The following PCP4 variants were observed in gnomAD, a reference collection of about 807,000 sequenced individuals.
PCP4 encodes Purkinje cell protein 4, also known as calmodulin regulator protein PCP4.
Under a neutral mutation model 10.0 loss-of-function variants are expected in PCP4, and 8 were observed. The ratio of observed to expected loss-of-function variants is 0.80; its 90% confidence interval spans 0.47 to 1.45. The LOEUF is 1.45. PCP4 is among the 40% of genes most tolerant of loss of function. The pLI is 0.00. For missense variants in PCP4, 54 were observed against 74.4 expected, an observed-to-expected ratio of 0.73 and a Z score of 1.01; for synonymous variants, 21 against 23.0, an observed-to-expected ratio of 0.91 and a Z score of 0.24.
chr21:39,928,922 G>T, intron 2 of PCP4, 62 bp from the exon 3 acceptor site: 46 of 1,556,292 alleles, frequency 3.0e-5, no homozygotes, highest in Non-Finnish European at 4.0e-5. Context: ...ATCTAGTGGG[G>T]CTGTCTGCTT....
intron 1 of PCP4, among the ~76,000 whole-genome samples, chr21:39,869,084 T>C (rs1191888500): frequency 6.6e-6 from 1 of 151,902 alleles, no homozygotes; most frequent in Non-Finnish European, 1.5e-5. Context: ...CTGCGTGGAG[T>C]GGTTTTTCTT....
chr21:39,925,714 G>A (rs571607963), intron 2 of PCP4, among the ~76,000 whole-genome samples: 156 of 152,256 alleles, frequency 1.0e-3, no homozygotes, highest in African/African-American at 3.4e-3. Flanking sequence ...GGTATCAGCA[G>A]TAGAAAGGGC....
chr21:39,898,336 G>A (rs756262547), intron 1 of PCP4, 140 bp from the exon 2 acceptor site: 13 of 772,488 alleles, frequency 1.7e-5, no homozygotes, highest in Non-Finnish European at 2.8e-5. Context: ...ACTCTCACTA[G>A]CACAGTGCTT....
At chr21:39,926,706 A>G (rs1046803177) in intron 2 of PCP4, among the ~76,000 whole-genome samples, 1 of 152,220 alleles carries the variant, frequency 6.6e-6, no homozygotes, top group African/African-American at 2.4e-5. Context: ...GGTTTGCTAG[A>G]CACTTGACCT....
At chr21:39,902,460 A>G (rs1417492411) in intron 2 of PCP4, among the ~76,000 whole-genome samples, 1 of 152,242 alleles carries the variant, frequency 6.6e-6, no homozygotes, top group Non-Finnish European at 1.5e-5. Flanking sequence ...CTGCCATTTC[A>G]TTACATTGAA....
At chr21:39,884,702 C>T (rs1171261646) in intron 1 of PCP4, among the ~76,000 whole-genome samples, 1 of 151,928 alleles carries the variant, frequency 6.6e-6, no homozygotes, top group African/African-American at 2.4e-5. Context: ...GAGGCTGAGA[C>T]AGGACAATTG....
intron 1 of PCP4, among the ~76,000 whole-genome samples, chr21:39,891,935 G>A (rs904603747): frequency 6.6e-6 from 1 of 152,242 alleles, no homozygotes; most frequent in Non-Finnish European, 1.5e-5. Context: ...CAAGGAGTGT[G>A]ACCATTGAAG....
At position 39,867,465 on chromosome 21, in the gene PCP4, C is replaced by T. The variant is rs758758760; in HGVS notation, c.-37C>T. 7.4e-6 allele frequency: 12 copies of T among 1,613,460 alleles called. No individual in the cohort carries two copies. The highest frequency in any genetic ancestry group is 5.3e-5 in the African/African-American group (4 of 74,932). On this transcript the variant is annotated 5_prime_UTR_variant, in exon 1 of 3. Transcript: ENST00000328619. ...CGACCCCTGAGCAGTGTTCTCTGTGCTGAGCGGCGGGACTGAGCTGTTGAG... is the reference window on the plus strand; with the variant it reads ...CGACCCCTGAGCAGTGTTCTCTGTGTTGAGCGGCGGGACTGAGCTGTTGAG...
chr21:39,888,145 A>C (rs893883067), intron 1 of PCP4, among the ~76,000 whole-genome samples: 3 of 152,244 alleles, frequency 2.0e-5, no homozygotes, highest in African/African-American at 7.2e-5. Context: ...GAGAAAAATA[A>C]CTTACGAGAA....
chr21:39,876,841 G>A (rs2087348589), intron 1 of PCP4, among the ~76,000 whole-genome samples: 1 of 152,214 alleles, frequency 6.6e-6, no homozygotes, highest in South Asian at 2.1e-4. Flanking sequence ...GAGTTGTGCT[G>A]TGAACAACCT....
At chr21:39,909,455 C>G (rs773215798) in intron 2 of PCP4, among the ~76,000 whole-genome samples, 13 of 152,292 alleles carry the variant, frequency 8.5e-5, no homozygotes, top group Non-Finnish European at 1.8e-4. Context: ...AAAGTTACCC[C>G]CTTCTCCTAT....
intron 2 of PCP4, among the ~76,000 whole-genome samples, chr21:39,909,468 A>G (rs898170132): frequency 5.9e-5 from 9 of 152,074 alleles, no homozygotes; most frequent in Admixed American, 5.2e-4. Context: ...TCTCCTATTC[A>G]CTAAGGAGCA....
intron 2 of PCP4, among the ~76,000 whole-genome samples, chr21:39,913,147 T>TGAGTAGAAAAAGTACAAAAGTACAA (rs1304814617): frequency 1.4e-4 from 22 of 152,180 alleles, no homozygotes; most frequent in Non-Finnish European, 2.8e-4. Flanking sequence ...ATCTTCCTGA[T>TGAGTAGAAAAAGTACAAAAGTACAA]AAGTAGAAAA....
intron 1 of PCP4, among the ~76,000 whole-genome samples, chr21:39,888,779 G>A (rs184286072): frequency 6.6e-6 from 1 of 152,322 alleles, no homozygotes; most frequent in Admixed American, 6.5e-5. Flanking sequence ...CCCAGGACCT[G>A]GCTCAGCAAA....
At chr21:39,892,389 C>G (rs2087436973) in intron 1 of PCP4, among the ~76,000 whole-genome samples, 1 of 152,038 alleles carries the variant, frequency 6.6e-6, no homozygotes, top group Non-Finnish European at 1.5e-5. Context: ...CTTTATTATA[C>G]TGAAACAGTT....
chr21:39,875,041 T>C (rs747274785), intron 1 of PCP4, among the ~76,000 whole-genome samples: 1 of 152,182 alleles, frequency 6.6e-6, no homozygotes, highest in Non-Finnish European at 1.5e-5. Flanking sequence ...GATTTTCCAT[T>C]GAATATTTTT....
Position 39,907,602 on chromosome 21 carries a change from C to G in PCP4, c.61+9075C>G, listed in dbSNP as rs555301522. Among the ~76,000 whole-genome samples, 3 of 152,236 alleles carry G rather than the reference C, an allele frequency of 2.0e-5. No homozygotes were observed. The East Asian group carries it at 5.8e-4, about 29-fold the overall frequency. On this transcript the variant is annotated intron_variant, in intron 2 of 2. Coordinates refer to ENST00000328619, the MANE Select transcript of PCP4 (RefSeq NM_006198.3). ...CCTGAAGTCAGGAGTTTGAGGCCAG[C>G]CTGGCCAACATGGTGAAACTCCATC...
intron 1 of PCP4, among the ~76,000 whole-genome samples, chr21:39,878,821 G>A (rs2087358337): frequency 6.6e-6 from 1 of 152,040 alleles, no homozygotes; most frequent in African/African-American, 2.4e-5. Flanking sequence ...GTTTGCTCAG[G>A]GGATGGGCTC....
At chr21:39,880,226 A>G (rs986974424) in intron 1 of PCP4, among the ~76,000 whole-genome samples, 1 of 151,702 alleles carries the variant, frequency 6.6e-6, no homozygotes, top group African/African-American at 2.4e-5. Flanking sequence ...GAAGCTCTCA[A>G]AATGGCCCAA....
Sources: allele counts gnomAD v4.1 joint callset (sites outside exome capture counted in the v4.1 genomes callset), GRCh38; gene constraint gnomAD v4.1.1; transcripts MANE v1.5; gene names NCBI Gene and HGNC (gene_info 2026-07-23, HGNC 2026-07-21).